The following PDE4D variants were observed in gnomAD, a reference collection of about 807,000 sequenced individuals.
PDE4D encodes phosphodiesterase 4D.
A neutral mutation model predicts 87.4 loss-of-function variants in PDE4D; 24 were observed. The ratio of observed to expected loss-of-function variants is 0.27; its 90% CI spans 0.20 to 0.39. The LOEUF (loss-of-function observed/expected upper bound fraction) is 0.39. PDE4D is among the 10% of genes least tolerant of loss of function. The pLI, the probability that PDE4D is intolerant of heterozygous loss-of-function variation, is 1.00. For missense variants in PDE4D, 714 were observed against 1,041.0 expected, an observed-to-expected ratio of 0.69 and a Z score of 4.32; for synonymous variants, 384 against 383.2, an observed-to-expected ratio of 1.00 and a Z score of -0.02.
chr5:59,794,017 A>G (rs1766136296), intron 1 of PDE4D, among the ~76,000 whole-genome samples: 1 of 152,134 alleles, frequency 6.6e-6, no homozygotes, highest in Non-Finnish European at 1.5e-5. Flanking sequence ...ACTCATGTGT[A>G]TACACACACA....
chr5:59,323,107 C>A (rs1347026022), intron 1 of PDE4D, among the ~76,000 whole-genome samples: 1 of 152,100 alleles, frequency 6.6e-6, no homozygotes, highest in African/African-American at 2.4e-5. Context: ...AGCTTGCTAG[C>A]AATCTAGACT....
intron 1 of PDE4D, among the ~76,000 whole-genome samples, chr5:59,640,695 C>T (rs1488388116): frequency 1.3e-5 from 2 of 152,188 alleles, no homozygotes; most frequent in Admixed American, 6.5e-5. Flanking sequence ...CTTCAGTCAC[C>T]TTTCTCTACT....
chr5:59,186,982 C>T (rs143860685), intron 3 of PDE4D, among the ~76,000 whole-genome samples: 47 of 152,290 alleles, frequency 3.1e-4, no homozygotes, highest in African/African-American at 1.1e-3. Context: ...ATCAAACATA[C>T]TAATGGAAAC....
chr5:59,912,126 C>T (rs1753512238), intron 3 of PDE4D, among the ~76,000 whole-genome samples: 1 of 152,146 alleles, frequency 6.6e-6, no homozygotes, highest in South Asian at 2.1e-4. Context: ...CATCAAAGGA[C>T]TGTGGTAAGG....
chr5:59,257,620 C>T (rs994815604), intron 1 of PDE4D, among the ~76,000 whole-genome samples: 4 of 151,916 alleles, frequency 2.6e-5, no homozygotes, highest in African/African-American at 9.7e-5. Context: ...CTCAGAGAGG[C>T]ATTAGAACAC....
chr5:59,117,319 T>C (rs910606187), intron 5 of PDE4D, among the ~76,000 whole-genome samples: 24 of 152,358 alleles, frequency 1.6e-4, no homozygotes, highest in African/African-American at 5.3e-4. Context: ...GCTATGACCA[T>C]CTGTTTTTAA....
At position 59,407,887 on chromosome 5, in the gene PDE4D, A is replaced by T. The variant is rs258118; in HGVS notation, c.456-191919T>A. The stretch of plus-strand genomic sequence containing the variant: ...CTAATAACCTATGCTCAGATGCAGA[A>T]GCAAAGAAATAACCTAAACTTGGAA... On this transcript the variant is annotated intron_variant, in intron 1 of 14. Coordinates refer to ENST00000340635, the MANE Select transcript of PDE4D (RefSeq NM_001104631.2). Among the ~76,000 whole-genome samples the T allele has an allele frequency of 6.6e-4, 101 of 152,146 alleles. No homozygotes were observed. In the Middle Eastern group the frequency reaches 0.01, roughly 15 times the overall value.
intron 1 of PDE4D, among the ~76,000 whole-genome samples, chr5:59,415,562 T>C (rs892639085): frequency 2.0e-5 from 3 of 152,240 alleles, no homozygotes; most frequent in African/African-American, 7.2e-5. Flanking sequence ...GATTTAATAA[T>C]ACTATATTTG....
At position 59,069,159 on chromosome 5, in the gene PDE4D, A is replaced by T. The variant is rs867911045; in HGVS notation, c.809-30188T>A. Among the ~76,000 whole-genome samples the T allele has an allele frequency of 2.6e-5, 4 of 152,272 alleles. 1 individual carries two copies. Among genetic ancestry groups the T allele is most frequent in the Middle Eastern group, 6.8e-3 (2 of 294 alleles). On this transcript the variant is annotated intron_variant, in intron 5 of 14. Coordinates refer to ENST00000340635, the MANE Select transcript of PDE4D (RefSeq NM_001104631.2). ...TTTTCTTTAACTGATAAAATAAAGC[A>T]AGCATTCCAAAAATCAATTTAAATC...
intron 1 of PDE4D, among the ~76,000 whole-genome samples, chr5:59,803,307 T>C (rs1767361189): frequency 1.7e-5 from 1 of 58,450 alleles, no homozygotes; most frequent in African/African-American, 4.9e-5. Flanking sequence ...TAGAAACTCC[T>C]TTTTTTTTTT....
At chr5:58,990,306 C>G (rs1747598888) in intron 9 of PDE4D, among the ~76,000 whole-genome samples, 1 of 152,026 alleles carries the variant, frequency 6.6e-6, no homozygotes, top group Non-Finnish European at 1.5e-5. Context: ...CATTTCGGTC[C>G]CGAGATATCT....
chr5:59,030,577 A>C (rs893656004), intron 6 of PDE4D, among the ~76,000 whole-genome samples: 2 of 151,978 alleles, frequency 1.3e-5, no homozygotes, highest in African/African-American at 4.8e-5. Flanking sequence ...TCTCTATACG[A>C]AAAAATAAAA....
intron 1 of PDE4D, among the ~76,000 whole-genome samples, chr5:60,193,099 G>T (rs1301784647): frequency 6.6e-6 from 1 of 151,968 alleles, no homozygotes; most frequent in African/African-American, 2.4e-5. Context: ...CTCCATTTGG[G>T]TGTCAATTAA....
intron 1 of PDE4D, among the ~76,000 whole-genome samples, chr5:60,337,380 T>TACACACACAC (rs1474890248): frequency 8.5e-6 from 1 of 118,240 alleles, no homozygotes; most frequent in Non-Finnish European, 1.7e-5. Flanking sequence ...TATATATATA[T>TACACACACAC]ATATATATAC....
intron 1 of PDE4D, among the ~76,000 whole-genome samples, chr5:59,740,342 CT>C (rs917053018): frequency 2.6e-5 from 4 of 151,856 alleles, no homozygotes; most frequent in Non-Finnish European, 2.9e-5. Context: ...AACAGTCATC[CT>C]TTTTTTTCTT....
At chr5:60,293,789 C>T (rs1164559917) in intron 1 of PDE4D, among the ~76,000 whole-genome samples, 1 of 152,046 alleles carries the variant, frequency 6.6e-6, no homozygotes, top group Non-Finnish European at 1.5e-5. Context: ...ATTTTTGTTG[C>T]GGAGTAATAC....
chr5:59,501,095 T>C (rs368106816), intron 1 of PDE4D, among the ~76,000 whole-genome samples: 7 of 152,346 alleles, frequency 4.6e-5, no homozygotes, highest in African/African-American at 1.7e-4. Context: ...TCTCCATTCA[T>C]TGTATTCTTT....
intron 1 of PDE4D, among the ~76,000 whole-genome samples, chr5:59,616,945 A>ATATATATATATATATCTC (rs936160133): frequency 7.3e-6 from 1 of 137,278 alleles, no homozygotes; most frequent in East Asian, 2.2e-4. Flanking sequence ...ATATATATAT[A>ATATATATATATATATCTC]TCTCCAAGAT....
intron 1 of PDE4D, among the ~76,000 whole-genome samples, chr5:59,562,645 T>C (rs1254551696): frequency 6.6e-6 from 1 of 152,272 alleles, no homozygotes; most frequent in East Asian, 1.9e-4. Context: ...TCAAATATGT[T>C]CACTTTAAAG....
Sources: gnomAD v4.1 joint callset for allele counts (sites outside exome capture counted in the v4.1 genomes callset) on GRCh38, gnomAD v4.1.1 for gene constraint, MANE v1.5 for transcripts, NCBI Gene and HGNC (gene_info 2026-07-23, HGNC 2026-07-21) for gene names.